Variants in MZF1 observed in about 807,000 individuals in gnomAD.
MZF1 encodes zinc finger and SCAN domain-containing protein 6.
MZF1 carries 24 observed loss-of-function variants against 28.6 expected under a neutral mutation model. The ratio of observed to expected loss-of-function variants is 0.84; its 90% CI spans 0.61 to 1.18. The LOEUF (loss-of-function observed/expected upper bound fraction) is 1.18, where lower values mean the gene tolerates loss of function less well. MZF1 is among the 50% of genes most tolerant of loss of function. The pLI is 0.00. For missense variants in MZF1, 1,166 were observed against 1,026.4 expected (o/e 1.14, Z -1.86); for synonymous variants, 516 against 432.5 (o/e 1.19, Z -2.40).
chr19:58,569,245 G>T, intron 5 of MZF1, 32 bp downstream of exon 5: 1 of 1,555,148 alleles, frequency 6.4e-7, no homozygotes. Context: ...CCATGCGGAA[G>T]GCCTAGTCCC....
chr19:58,571,391 GA>G lies in MZF1; in HGVS notation c.-3del. 6.2e-7 allele frequency: 1 copy of G among 1,614,042 alleles called. No homozygotes were observed. The highest frequency in any genetic ancestry group is 8.5e-7 in the Non-Finnish European group (1 of 1,179,976). ...GGAGCCCAGCACCGCAGGCCTCATA[GA>G]GGGTACCAGGTCAGGTATCTGAGGC... On this transcript the variant is annotated 5_prime_UTR_variant, in exon 2 of 6. Transcript: ENST00000215057.
Position 58,571,236 on chromosome 19 carries a change from A to G in MZF1, c.154T>C (p.Tyr52His), listed in dbSNP as rs377328811. Residue 52 changes from tyrosine to histidine, a missense_variant, in exon 2 of 6, where the codon TAT (tyrosine) becomes CAT (histidine). Physicochemically the swap from Tyr to His is moderately conservative, Grantham distance 83 (BLOSUM62 2). Coordinates refer to ENST00000215057, the MANE Select transcript of MZF1 (RefSeq NM_198055.2). ...AARLRFRCFR[Y>H]EEATGPQEAL... is the part of the protein sequence containing the mutation. Reference sequence around the variant, plus strand: ...TCTTGGGGCCCTGTGGCCTCCTCATAGCGGAAGCACCGGAAACGCAGGCGT... The same window carrying G: ...TCTTGGGGCCCTGTGGCCTCCTCATGGCGGAAGCACCGGAAACGCAGGCGT... 1.9e-5 allele frequency: 30 copies of G among 1,612,628 alleles called. No homozygotes were observed. The South Asian group carries it at 3.1e-4, about 17-fold the overall frequency.
intron 5 of MZF1, among the ~76,000 whole-genome samples, chr19:58,566,010 C>G (rs915191219): frequency 1.7e-4 from 26 of 150,672 alleles, no homozygotes; most frequent in Middle Eastern, 3.5e-3. Context: ...GCGTGGTGGC[C>G]GGCGCCTGTA....
At position 58,562,937 on chromosome 19, in the gene MZF1, T is replaced by G; in HGVS notation, c.1340A>C (p.Gln447Pro). 1 of 1,597,596 alleles carries G rather than the reference T, an allele frequency of 6.3e-7. No homozygotes were observed. The change falls in exon 6 of 6, where the codon CAG becomes CCG. Residue 447 changes from glutamine (Q) to proline (P), a missense_variant. Gln to Pro is a moderately conservative substitution (Grantham distance 76, BLOSUM62 -1). Coordinates refer to ENST00000215057, the MANE Select transcript of MZF1 (RefSeq NM_198055.2). ...CAGATTGGAGCGCTGCCGGAAGCTC[T>G]GGCCGCACTCAGCGCAACGGAAAGG... is the stretch of plus-strand genomic sequence containing the variant. ...EQPFRCAECG[Q>P]SFRQRSNLLQ...
Position 58,563,509 on chromosome 19 carries a change from A to C in MZF1, c.773-5T>G. The C allele has an allele frequency of 6.5e-7, 1 of 1,529,144 alleles. No homozygotes were observed. Among genetic ancestry groups the C allele is most frequent in the Non-Finnish European group, 8.8e-7 (1 of 1,133,482 alleles). The allele number at this position is 1,529,144 out of a possible 1,614,324, so 94.7% of individuals were successfully genotyped here. A position where few individuals can be genotyped will look rare whatever the true frequency, so the allele number is the denominator to read the frequency against. On this transcript the variant is annotated splice_region_variant and splice_polypyrimidine_tract_variant and intron_variant, in intron 5 of 5. Transcript: ENST00000215057. Reference sequence around the variant, plus strand: ...TGCCTAGCTGCAGCGCGAACCCTGCATACACAAGGGGACCATTCATTCATG... The same window carrying C: ...TGCCTAGCTGCAGCGCGAACCCTGCCTACACAAGGGGACCATTCATTCATG...
intron 2 of MZF1, 120 bp downstream of exon 2, chr19:58,570,874 A>T: frequency 9.0e-7 from 1 of 1,108,054 alleles, no homozygotes; most frequent in Non-Finnish European, 1.3e-6. Context: ...TCTCTGTTGC[A>T]GGTGGCCACT....
At chr19:58,571,493 T>C in intron 1 of MZF1, 64 bp from the exon 2 acceptor site, 1 of 1,411,030 alleles carries the variant, frequency 7.1e-7, no homozygotes. Context: ...CTGCCTAGTC[T>C]ATGCTGTACC....
rs576357187 is a variant in MZF1 at position 58,564,849 on chromosome 19, G to A, written c.773-1345C>T. On this transcript the variant is annotated intron_variant, in intron 5 of 5. Coordinates refer to ENST00000215057, the MANE Select transcript of MZF1 (RefSeq NM_198055.2). The stretch of plus-strand genomic sequence containing the variant: ...CTGCTGTGTACTTAAGTTGGAAGAT[G>A]CACAAAAAATGCCAGATGTGGAACA... 4.9e-5 allele frequency among the ~76,000 whole-genome samples: 7 copies of A among 141,580 alleles called. No individual in the cohort carries two copies. In the South Asian group the frequency reaches 9.6e-4, roughly 20 times the overall value. The allele number at this position is 141,580 out of a possible 152,430, so 92.9% of individuals were successfully genotyped here. A position where few individuals can be genotyped will look rare whatever the true frequency, so the allele number is the denominator to read the frequency against.
intron 1 of MZF1, 65 bp from the exon 2 acceptor site, chr19:58,571,494 A>G (rs963906770): frequency 3.1e-5 from 43 of 1,405,098 alleles, no homozygotes; most frequent in Non-Finnish European, 3.6e-5. Context: ...TGCCTAGTCT[A>G]TGCTGTACCG....
Position 58,562,826 on chromosome 19 carries a change from G to C in MZF1, c.1451C>G (p.Pro484Arg). Reference protein sequence around the residue: ...APPGAPEPPGPFPCSECRESF... With the variant: ...APPGAPEPPGRFPCSECRESF... ...CTCGCGGCACTCGCTGCACGGAAAG[G>C]GGCCGGGAGGCTCGGGCGCACCAGG... is the stretch of plus-strand genomic sequence containing the variant. The change falls in exon 6 of 6, where the codon CCC becomes CGC. Residue 484 changes from proline to arginine, a missense_variant. Physicochemically the swap from Pro to Arg is moderately radical, Grantham distance 103. Coordinates refer to ENST00000215057, the MANE Select transcript of MZF1 (RefSeq NM_198055.2). The C allele has an allele frequency of 6.5e-7, 1 of 1,535,820 alleles. No homozygotes were observed. Among genetic ancestry groups the C allele is most frequent in the Non-Finnish European group, 8.7e-7 (1 of 1,146,908 alleles).
At chr19:58,572,474 C>G in intron 1 of MZF1, 1 of 1,154,906 alleles carries the variant, frequency 8.7e-7, no homozygotes, top group Admixed American at 2.3e-5. Flanking sequence ...AAGGAAGTCC[C>G]GAGACTCTGA....
rs996004252 is a variant in MZF1, at chr19:58,562,034, G to C, written c.*38C>G. The C allele has an allele frequency of 2.0e-6, 3 of 1,534,636 alleles. No homozygotes were observed. The highest frequency in any genetic ancestry group is 3.9e-5 in the Admixed American group (2 of 50,712). ...CTCACAATAACCAGGGGAGGTAGGT[G>C]TTCTGACCATGGCGGACACAGTGCG... On this transcript the variant is annotated 3_prime_UTR_variant, in exon 6 of 6. Transcript: ENST00000215057.
chr19:58,567,918 TA>T (rs1468852890), intron 5 of MZF1, among the ~76,000 whole-genome samples: 3 of 151,868 alleles, frequency 2.0e-5, no homozygotes, highest in African/African-American at 7.3e-5. Context: ...ATTCAGAGAA[TA>T]AAAACACTCT....
At chr19:58,565,767 C>T (rs1244470826) in intron 5 of MZF1, among the ~76,000 whole-genome samples, 7 of 141,334 alleles carry the variant, frequency 5.0e-5, no homozygotes, top group Admixed American at 2.8e-4. Flanking sequence ...CTCCTGACCT[C>T]GTGATCCGCC....
chr19:58,569,392 A>C lies in MZF1; in HGVS notation c.657T>G (p.Cys219Trp), dbSNP rs1203161029. ...PTLLPEEAQR[C>W]GTVLDQIFPH... ...GAAAGATCTGGTCCAGCACGGTCCC[A>C]CATCTCTGAAATCACAGTGGTCACT... The change falls in exon 5 of 6, where the codon TGT becomes TGG. Residue 219 changes from cysteine (C) to tryptophan (W), a missense_variant. Cys to Trp is a radical substitution (Grantham distance 215). Transcript: ENST00000215057. 2 of 1,614,064 alleles carry C rather than the reference A, an allele frequency of 1.2e-6. No homozygotes were observed. The highest frequency in any genetic ancestry group is 1.7e-6 in the Non-Finnish European group (2 of 1,179,970).
chr19:58,572,190 T>C (rs567448938), intron 1 of MZF1, among the ~76,000 whole-genome samples: 1 of 152,262 alleles, frequency 6.6e-6, no homozygotes, highest in African/African-American at 2.4e-5. Flanking sequence ...TACTTCGATG[T>C]GGCTCCTCAT....
chr19:58,566,470 AACATGTGTCTGGGAATGT>A (rs1194752862), intron 5 of MZF1, among the ~76,000 whole-genome samples: 1 of 152,140 alleles, frequency 6.6e-6, no homozygotes, highest in Non-Finnish European at 1.5e-5. Context: ...AAAGGGAATG[AACATGTGTCTGGGAATGT>A]CTTTGCTTCT....
intron 5 of MZF1, among the ~76,000 whole-genome samples, chr19:58,567,202 C>G (rs1292909040): frequency 1.3e-5 from 2 of 152,206 alleles, no homozygotes; most frequent in Admixed American, 6.5e-5. Context: ...GCGGCTGCGC[C>G]TGGCTAAGAA....
At position 58,562,385 on chromosome 19, in the gene MZF1, C is replaced by T; in HGVS notation, c.1892G>A (p.Gly631Asp). 1.2e-6 allele frequency: 2 copies of T among 1,608,986 alleles called. No homozygotes were observed. The highest frequency in any genetic ancestry group is 1.3e-5 in the African/African-American group (1 of 74,856). ...CCGCGAGACCTGCGTGAAGCCCAGG[C>T]CGCACTCACCGCAGTGGTAGGGCTT... The part of the protein sequence containing the change: ...GEKPYHCGEC[G>D]LGFTQVSRLT... Residue 631 changes from glycine to aspartate, a missense_variant, in exon 6 of 6, where the codon GGC becomes GAC. Coordinates refer to ENST00000215057, the MANE Select transcript of MZF1 (RefSeq NM_198055.2).
Sources: allele counts gnomAD v4.1 joint callset (sites outside exome capture counted in the v4.1 genomes callset), GRCh38; gene constraint gnomAD v4.1.1; transcripts MANE v1.5; gene names NCBI Gene and HGNC (gene_info 2026-07-23, HGNC 2026-07-21).